INTS2: variants seen among roughly 807,000 people sequenced by gnomAD.
INTS2 encodes the protein KIAA1287.
Under a neutral mutation model 139.6 loss-of-function variants are expected in INTS2, and 57 were observed. That is an observed-to-expected ratio of 0.41 (90% confidence interval 0.33 to 0.51). The LOEUF is 0.51. Among genes scored for constraint, INTS2 ranks in the 20% least tolerant of loss-of-function variants. The pLI, the probability that INTS2 is intolerant of heterozygous loss-of-function variation, is 0.28. For missense variants in INTS2, 1,196 were observed against 1,436.7 expected (o/e 0.83, Z 2.71); for synonymous variants, 473 against 493.4 (o/e 0.96, Z 0.55).
chr17:61,914,431 G>A (rs1232478431), intron 5 of INTS2, among the ~76,000 whole-genome samples: 1 of 152,060 alleles, frequency 6.6e-6, no homozygotes, highest in African/African-American at 2.4e-5. Flanking sequence ...CAGGTGCAGT[G>A]GCTCACGCCT....
In INTS2 at chr17:61,886,187, A is replaced by G. The variant is rs1305085460; in HGVS notation, c.1985-1182T>C. Among the ~76,000 whole-genome samples, 3 of 152,000 alleles carry G rather than the reference A, an allele frequency of 2.0e-5. No individual in the cohort carries two copies. The East Asian group carries it at 5.8e-4, about 29-fold the overall frequency. ...TGCCTCAGCCTCCCAAGTAGCTGAGACTACAGGTGCCCGCCACCACGCCTA... is the reference window on the plus strand; with the variant it reads ...TGCCTCAGCCTCCCAAGTAGCTGAGGCTACAGGTGCCCGCCACCACGCCTA... On this transcript the variant is annotated intron_variant, in intron 15 of 24. Coordinates refer to ENST00000251334, the MANE Select transcript of INTS2 (RefSeq NM_001351695.2).
In INTS2 at chr17:61,872,436, G is replaced by C. The variant is rs755197585; in HGVS notation, c.2607C>G (p.Thr869=). 6.3e-7 allele frequency: 1 copy of C among 1,597,942 alleles called. No homozygotes were observed. The highest frequency in any genetic ancestry group is 2.2e-5 in the East Asian group (1 of 44,778). Reference sequence around the variant, plus strand: ...GAAGATATCCATTCAACATGTGTAGGGTAATATCCATCAGTGGGGGGCATC... The same window carrying C: ...GAAGATATCCATTCAACATGTGTAGCGTAATATCCATCAGTGGGGGGCATC... ...VHRCPPLMDI[T]LHMLNGYLLA... The change falls in exon 20 of 25, where the codon ACC becomes ACG. Residue 869 remains threonine, a synonymous_variant. Coordinates refer to ENST00000251334, the MANE Select transcript of INTS2 (RefSeq NM_001351695.2). This position sits in a 1 kb window ranked among gnomAD's most constrained non-coding sequence, Gnocchi z 4.8.
intron 3 of INTS2, among the ~76,000 whole-genome samples, chr17:61,923,934 T>C (rs991131561): frequency 6.6e-6 from 1 of 152,190 alleles, no homozygotes; most frequent in Non-Finnish European, 1.5e-5. Flanking sequence ...ATTACAGGCG[T>C]GCACCACCAC....
intron 15 of INTS2, among the ~76,000 whole-genome samples, chr17:61,885,753 A>G (rs2079222139): frequency 9.1e-6 from 1 of 110,060 alleles, no homozygotes; most frequent in Admixed American, 1.1e-4. Context: ...TTTTTGAGAC[A>G]GAGTCTCGCT....
chr17:61,865,467 T>C lies in INTS2; in HGVS notation c.*2090A>G, dbSNP rs1304712357. The C allele has an allele frequency of 1.3e-5, 2 of 152,688 alleles. No individual in the cohort carries two copies. The highest frequency in any genetic ancestry group is 2.9e-5 in the Non-Finnish European group (2 of 68,048). 9.5% of individuals were successfully genotyped at this position (152,688 alleles called of 1,614,324 possible). A position where few individuals can be genotyped will look rare whatever the true frequency, so the allele number is the denominator to read the frequency against. On this transcript the variant is annotated 3_prime_UTR_variant, in exon 25 of 25. Coordinates refer to ENST00000251334, the MANE Select transcript of INTS2 (RefSeq NM_001351695.2). The surrounding 1 kb of genome is among the most constrained non-coding windows in gnomAD (Gnocchi z 4.8). ...AAAAAACACATTGTGACAAATTTTA[T>C]AACCTTAACTTAAAATACATGAATA... is the stretch of plus-strand genomic sequence containing the variant.
rs1481647938 is a variant in INTS2, at chr17:61,924,915, G to T, written c.432+46C>A. The T allele has an allele frequency of 1.9e-6, 3 of 1,580,590 alleles. No homozygotes were observed. In the South Asian group the frequency reaches 3.4e-5, roughly 18 times the overall value. ...TTTTCTGTCTACCTCCCTATACATA[G>T]ACATCAAATCATGCATACTTTGAGC... On this transcript the variant is annotated intron_variant, in intron 3 of 24. Transcript: ENST00000251334.
chr17:61,867,910 G>A lies in INTS2; in HGVS notation c.3344C>T (p.Ser1115Phe), dbSNP rs374213756. Residue 1115 changes from serine (S) to phenylalanine (F), a missense_variant, in exon 24 of 25, where the codon TCT (serine) becomes TTT (phenylalanine). Ser to Phe is a radical substitution (Grantham distance 155). Around this residue, in one of 3 missense-constraint regions of INTS2, gnomAD observed 1,129 missense variants for 1,341.9 expected, o/e 0.84. Transcript: ENST00000251334. This position sits in a 1 kb window ranked among gnomAD's most constrained non-coding sequence, Gnocchi z 5.6. ...AFPPLYEDIM[S>F]LLIQIGQVCA... Reference sequence around the variant, plus strand: ...AACTTGCCCTATTTGGATCAGCAAAGACATAATATCCTCATACAATGGAGG... The same window carrying A: ...AACTTGCCCTATTTGGATCAGCAAAAACATAATATCCTCATACAATGGAGG... The A allele has an allele frequency of 6.2e-7, 1 of 1,612,478 alleles. No individual in the cohort carries two copies. Among genetic ancestry groups the A allele is most frequent in the Non-Finnish European group, 8.5e-7 (1 of 1,179,370 alleles).
chr17:61,905,735 T>C (rs996735018), intron 8 of INTS2, among the ~76,000 whole-genome samples: 1 of 152,232 alleles, frequency 6.6e-6, no homozygotes, highest in African/African-American at 2.4e-5. Context: ...TTCACTCTTA[T>C]TGCCCAGGCC....
chr17:61,883,018 T>C (rs1032204884), intron 16 of INTS2, among the ~76,000 whole-genome samples: 1 of 152,140 alleles, frequency 6.6e-6, no homozygotes, highest in Admixed American at 6.6e-5. Flanking sequence ...TGAAAAGACA[T>C]CGTAACAATC....
chr17:61,899,619 T>C (rs1408266227), intron 9 of INTS2, among the ~76,000 whole-genome samples: 2 of 151,726 alleles, frequency 1.3e-5, no homozygotes, highest in East Asian at 3.9e-4. Context: ...TAGACAAAAA[T>C]ACCTTATAAG....
intron 4 of INTS2, 45 bp downstream of exon 4, chr17:61,921,680 A>T (rs2143168802): frequency 1.0e-6 from 1 of 958,366 alleles, no homozygotes; most frequent in Middle Eastern, 2.2e-4. Flanking sequence ...GTATCATTTA[A>T]CAAGAAACTA....
In INTS2 at chr17:61,917,277, A is replaced by C. The variant is rs372849720; in HGVS notation, c.649+2123T>G. 3.9e-5 allele frequency among the ~76,000 whole-genome samples: 6 copies of C among 152,200 alleles called. No homozygotes were observed. In the East Asian group the frequency reaches 1.2e-3, roughly 29 times the overall value. On this transcript the variant is annotated intron_variant, in intron 5 of 24. Coordinates refer to ENST00000251334, the MANE Select transcript of INTS2 (RefSeq NM_001351695.2). ...AACTACCATTCGACCCAGCAGTCTCACTGCTGGATATATACTCAAAGGACA... is the reference window on the plus strand; with the variant it reads ...AACTACCATTCGACCCAGCAGTCTCCCTGCTGGATATATACTCAAAGGACA...
At position 61,869,948 on chromosome 17, in the gene INTS2, G is replaced by C. The variant is rs549626612; in HGVS notation, c.2819C>G (p.Pro940Arg). The C allele has an allele frequency of 1.2e-6, 2 of 1,613,522 alleles. No homozygotes were observed. The highest frequency in any genetic ancestry group is 1.7e-6 in the Non-Finnish European group (2 of 1,179,622). ...AVQILLEICLPTEEEKANGVN... is the reference protein window; with the variant it reads ...AVQILLEICLRTEEEKANGVN... Reference sequence around the variant, plus strand: ...ACCATTTGCTTTCTCCTCTTCAGTAGGTAGGCAAATCTCTAAGAGAATCTG... The same window carrying C: ...ACCATTTGCTTTCTCCTCTTCAGTACGTAGGCAAATCTCTAAGAGAATCTG... Residue 940 changes from proline (P) to arginine (R), a missense_variant, in exon 21 of 25, where the codon CCT becomes CGT. Coordinates refer to ENST00000251334, the MANE Select transcript of INTS2 (RefSeq NM_001351695.2). This position sits in a 1 kb window ranked among gnomAD's most constrained non-coding sequence, Gnocchi z 5.4.
chr17:61,913,112 C>T (rs1002467822), intron 5 of INTS2, among the ~76,000 whole-genome samples: 27 of 151,272 alleles, frequency 1.8e-4, no homozygotes, highest in Admixed American at 1.6e-3. Flanking sequence ...AGAGGATAGG[C>T]GCATCACCTG....
intron 5 of INTS2, among the ~76,000 whole-genome samples, chr17:61,918,379 T>G (rs1952702584): frequency 6.6e-6 from 1 of 152,068 alleles, no homozygotes; most frequent in Non-Finnish European, 1.5e-5. Flanking sequence ...GTAGCTGAGA[T>G]TACAGGCATC....
In INTS2 at chr17:61,904,345, G is replaced by A. The variant is rs1250633062; in HGVS notation, c.1307+115C>T. On this transcript the variant is annotated intron_variant, in intron 9 of 24. Transcript: ENST00000251334. ...ATTGGAAAAAACAAAACAAAACTACGACTGTCCATACCTAGACCAGCTTTT... is the reference window on the plus strand; with the variant it reads ...ATTGGAAAAAACAAAACAAAACTACAACTGTCCATACCTAGACCAGCTTTT... The A allele has an allele frequency of 4.9e-5, 35 of 709,522 alleles. No individual in the cohort carries two copies. The South Asian group carries it at 5.3e-4, about 11-fold the overall frequency. The allele number at this position is 709,522 out of a possible 1,614,324, so 44.0% of individuals were successfully genotyped here.
At chr17:61,902,753 C>T (rs1400201427) in intron 9 of INTS2, among the ~76,000 whole-genome samples, 1 of 151,382 alleles carries the variant, frequency 6.6e-6, no homozygotes, top group Non-Finnish European at 1.5e-5. Context: ...TGCCTTAGTC[C>T]CAGCTATTTG....
At chr17:61,910,246 G>A (rs1438802971) in intron 7 of INTS2, 1 of 152,214 alleles carries the variant, frequency 6.6e-6, no homozygotes, top group African/African-American at 2.4e-5. Flanking sequence ...GATGATAGGG[G>A]GAATGGGGAG....
chr17:61,903,120 T>C (rs1288465416), intron 9 of INTS2, among the ~76,000 whole-genome samples: 3 of 128,224 alleles, frequency 2.3e-5, no homozygotes, highest in Non-Finnish European at 4.6e-5. Context: ...AGCCAAGATA[T>C]CGCACCACTG....
Sources: allele counts gnomAD v4.1 joint callset (sites outside exome capture counted in the v4.1 genomes callset), GRCh38; gene constraint gnomAD v4.1.1; regional missense constraint gnomAD v4.1.1; non-coding constraint Gnocchi (gnomAD v3.1); transcripts MANE v1.5; gene names NCBI Gene and HGNC (gene_info 2026-07-23, HGNC 2026-07-21).